The following MYO16 variants were observed in gnomAD, a reference collection of about 807,000 sequenced individuals.
MYO16 encodes the protein unconventional myosin-XVI.
MYO16 carries 94 observed loss-of-function variants against 205.3 expected under a neutral mutation model. The ratio of observed to expected loss-of-function variants is 0.46; its 90% CI spans 0.39 to 0.54. The LOEUF is 0.54. MYO16 is among the 20% of genes least tolerant of loss of function. MYO16 has a pLI of 0.00. For missense variants in MYO16, 2,315 were observed against 2,387.5 expected (o/e 0.97, Z 0.63); for synonymous variants, 988 against 954.0 (o/e 1.04, Z -0.66).
At chr13:109,023,641 ACAAATATATGTATATATGTATATATG>A (rs1368192727) in intron 23 of MYO16, among the ~76,000 whole-genome samples, 1 of 108,670 alleles carries the variant, frequency 9.2e-6, no homozygotes, top group Non-Finnish European at 1.9e-5. Flanking sequence ...AAATATATAT[ACAAATATATGTATATATGTATATATG>A]CAAATATATG....
At chr13:108,962,519 C>G (rs1242223462) in intron 19 of MYO16, 24 bp downstream of exon 19, 3 of 1,464,380 alleles carry the variant, frequency 2.0e-6, no homozygotes, top group Non-Finnish European at 2.8e-6. Context: ...GCTCTAACAT[C>G]TTTGTGCAAT....
chr13:109,038,466 A>G (rs1886782800), intron 23 of MYO16, among the ~76,000 whole-genome samples: 1 of 151,256 alleles, frequency 6.6e-6, no homozygotes. Context: ...GGGCCCTCTG[A>G]CTTAGACTGG....
chr13:108,991,750 G>A (rs1180637032), intron 20 of MYO16, among the ~76,000 whole-genome samples: 1 of 152,232 alleles, frequency 6.6e-6, no homozygotes, highest in Non-Finnish European at 1.5e-5. Context: ...GAAGACACAA[G>A]TATAGCTAGT....
chr13:108,657,781 C>T (rs7998265), intron 1 of MYO16, among the ~76,000 whole-genome samples: 51,137 of 151,924 alleles, frequency 0.34, 9,154 homozygotes, highest in African/African-American at 0.46. Context: ...TAATAACTGA[C>T]TTTTTTCCTC....
intron 3 of MYO16, among the ~76,000 whole-genome samples, chr13:108,725,817 C>T (rs919761029): frequency 6.6e-6 from 1 of 152,202 alleles, no homozygotes; most frequent in African/African-American, 2.4e-5. Context: ...TCTCTCAAGA[C>T]ATTTCAAGAG....
intron 1 of MYO16, among the ~76,000 whole-genome samples, chr13:108,607,662 A>G (rs1879010683): frequency 6.6e-6 from 1 of 152,146 alleles, no homozygotes; most frequent in Admixed American, 6.6e-5. Context: ...TAATACAGTA[A>G]ATAACAAACT....
intron 4 of MYO16, among the ~76,000 whole-genome samples, chr13:108,771,941 A>G (rs1226679928): frequency 1.3e-5 from 2 of 152,204 alleles, no homozygotes; most frequent in Non-Finnish European, 2.9e-5. Context: ...AGTTATAAAT[A>G]AAGCTGACAC....
chr13:108,980,288 CTTG>C (rs765901435), intron 20 of MYO16, among the ~76,000 whole-genome samples: 8 of 152,154 alleles, frequency 5.3e-5, no homozygotes, highest in Non-Finnish European at 8.8e-5. Flanking sequence ...GAGGCTAAAG[CTTG>C]TATATTTTAT....
chr13:109,018,694 G>A (rs1267126729), intron 22 of MYO16, among the ~76,000 whole-genome samples: 1 of 152,180 alleles, frequency 6.6e-6, no homozygotes, highest in East Asian at 1.9e-4. Flanking sequence ...TATTTGGGCG[G>A]GAGTACCCCG....
chr13:108,576,228 A>G, the MYO16 span, among the ~76,000 whole-genome samples: 2 of 152,220 alleles, frequency 1.3e-5, no homozygotes, highest in Non-Finnish European at 2.9e-5. Context: ...GAAATTCTGC[A>G]TATTGGACCT....
intron 6 of MYO16, among the ~76,000 whole-genome samples, chr13:108,800,037 G>A (rs1232079009): frequency 1.3e-5 from 2 of 152,106 alleles, no homozygotes; most frequent in Non-Finnish European, 2.9e-5. Context: ...TCATGGGGAA[G>A]CCTTAGCCTG....
intron 21 of MYO16, among the ~76,000 whole-genome samples, chr13:108,995,144 C>T (rs774396997): frequency 1.9e-4 from 29 of 152,202 alleles, no homozygotes; most frequent in Non-Finnish European, 4.3e-4. Flanking sequence ...TTATCGCTCA[C>T]AGTTCTGGAG....
rs756916091 is a variant in MYO16 at position 108,665,960 on chromosome 13, C to T, written c.103C>T (p.Leu35Phe). ...IDQCLLESLP[L>F]GQRQRLVKRM... ...CCAGTGCTTGCTAGAGTCCCTTCCCCTTGGCCAACGGCAGCGTCTAGTGAA... is the reference window on the plus strand; with the variant it reads ...CCAGTGCTTGCTAGAGTCCCTTCCCTTTGGCCAACGGCAGCGTCTAGTGAA... The change falls in exon 2 of 35, where the codon CTT becomes TTT. Residue 35 changes from leucine (L) to phenylalanine (F), a missense_variant. Physicochemically the swap from Leu to Phe is conservative, Grantham distance 22. Around this residue, in one of 3 missense-constraint regions of MYO16, gnomAD observed 1,213 missense variants for 1,274.4 expected, o/e 0.95. Coordinates refer to ENST00000457511, the MANE Select transcript of MYO16 (RefSeq NM_001198950.3). 1.3e-5 allele frequency: 21 copies of T among 1,614,014 alleles called. No homozygotes were observed. Among genetic ancestry groups the T allele is most frequent in the East Asian group, 2.2e-5 (1 of 44,878 alleles).
At chr13:108,555,958 G>A in the MYO16 span, among the ~76,000 whole-genome samples, 273 of 152,230 alleles carry the variant, frequency 1.8e-3, no homozygotes, top group African/African-American at 6.4e-3. Flanking sequence ...GTATCCCATC[G>A]TGTAGATATA....
At position 108,656,984 on chromosome 13, in the gene MYO16, C is replaced by A. The variant is rs1434659674; in HGVS notation, c.29-8902C>A. Among the ~76,000 whole-genome samples, 3 of 152,198 alleles carry A rather than the reference C, an allele frequency of 2.0e-5. No homozygotes were observed. The East Asian group carries it at 5.8e-4, about 29-fold the overall frequency. On this transcript the variant is annotated intron_variant, in intron 1 of 34. Transcript: ENST00000457511. ...CAGACAGCAGGCTGCCAGTGTCCAC[C>A]ACACATCCCTCTAAGAGGCTCACCT...
chr13:108,883,859 A>G (rs1879732211), intron 13 of MYO16, among the ~76,000 whole-genome samples: 1 of 152,208 alleles, frequency 6.6e-6, no homozygotes, highest in East Asian at 1.9e-4. Context: ...TCCTGGGCTC[A>G]AGCGATCCTC....
rs762771951 is a variant in MYO16 at position 108,866,166 on chromosome 13, T to C, written c.1360-11T>C. ...ATGACTCATGAACTGTTTGCATCCC[T>C]TTTTTCACAGACATTCATTGGAGAC... On this transcript the variant is annotated splice_polypyrimidine_tract_variant and intron_variant, in intron 11 of 34. Transcript: ENST00000457511. 1.9e-6 allele frequency: 3 copies of C among 1,586,018 alleles called. No homozygotes were observed. Among genetic ancestry groups the C allele is most frequent in the East Asian group, 2.3e-5 (1 of 44,168 alleles).
rs1172926224 is a variant in MYO16 at position 108,849,730 on chromosome 13, C to CT, written c.1248+5250dup. On this transcript the variant is annotated intron_variant, in intron 10 of 34. Transcript: ENST00000457511. ...TCTTCCAAATCCTGTTGAATTTCCT[C>CT]TTTTTTTTTTTTTAACTCATCCATA... 7.3e-3 allele frequency among the ~76,000 whole-genome samples: 938 copies of CT among 128,188 alleles called. 18 individuals are homozygous for CT. Among genetic ancestry groups the CT allele is most frequent in the African/African-American group, 0.022 (755 of 33,918 alleles). 84.1% of individuals were successfully genotyped at this position (128,188 alleles called of 152,430 possible).
At chr13:108,902,057 C>A (rs1880737921) in intron 15 of MYO16, among the ~76,000 whole-genome samples, 1 of 149,634 alleles carries the variant, frequency 6.7e-6, no homozygotes, top group Non-Finnish European at 1.5e-5. Context: ...AGAAATAACT[C>A]AAGAGAAATA....
Sources: gnomAD v4.1 joint callset for allele counts (sites outside exome capture counted in the v4.1 genomes callset) on GRCh38, gnomAD v4.1.1 for gene constraint, gnomAD v4.1.1 regional missense constraint, MANE v1.5 for transcripts, NCBI Gene and HGNC (gene_info 2026-07-23, HGNC 2026-07-21) for gene names.